Variants in ANAPC4 observed in about 807,000 individuals in gnomAD.
ANAPC4 encodes the protein anaphase promoting complex subunit 4.
Under a neutral mutation model 119.8 loss-of-function variants are expected in ANAPC4, and 63 were observed. That is an observed-to-expected ratio of 0.53 (90% CI 0.43 to 0.65). ANAPC4 has a LOEUF of 0.65. Among genes scored for constraint, ANAPC4 ranks in the 30% least tolerant of loss-of-function variants. The pLI, the probability that ANAPC4 is intolerant of heterozygous loss-of-function variation, is 0.00. For synonymous variants in ANAPC4, 283 were observed against 318.6 expected (o/e 0.89, Z 1.19); for missense variants, 716 against 945.1 (o/e 0.76, Z 3.18).
At chr4:25,413,800 G>A in intron 22 of ANAPC4, 58 bp downstream of exon 22, 2 of 1,259,138 alleles carry the variant, frequency 1.6e-6, no homozygotes, top group Middle Eastern at 1.9e-4. Flanking sequence ...ACAGTATGTG[G>A]CTCACTTATG....
chr4:25,377,469 G>A lies in ANAPC4; in HGVS notation c.42G>A (p.Val14=). The part of the protein sequence containing the change: ...FPTCFPSFRV[V]GEKQLPQEII... ...CCTGTTTCCCATCCTTCCGGGTGGT[G>A]GGAGAGAAGCAGCTCCCGCAGGAGA... The change falls in exon 2 of 29, where the codon GTG becomes GTA. Residue 14 remains valine (V), a synonymous_variant. Transcript: ENST00000315368. 2 of 1,614,156 alleles carry A rather than the reference G, an allele frequency of 1.2e-6. No individual in the cohort carries two copies. The highest frequency in any genetic ancestry group is 1.1e-5 in the South Asian group (1 of 91,076).
At position 25,417,751 on chromosome 4, in the gene ANAPC4, G is replaced by A. The variant is rs371676080; in HGVS notation, c.2199+12G>A. On this transcript the variant is annotated intron_variant, in intron 28 of 28. Coordinates refer to ENST00000315368, the MANE Select transcript of ANAPC4 (RefSeq NM_013367.3). ...AAGTGTCCTGTGTGGTAAGTGTTTA[G>A]AGATCGTTCAGCAACTAAGAAATTA... The A allele has an allele frequency of 6.3e-6, 10 of 1,596,050 alleles. No homozygotes were observed. The highest frequency in any genetic ancestry group is 2.7e-5 in the African/African-American group (2 of 73,908).
At chr4:25,378,132 G>A (rs1378531937) in intron 2 of ANAPC4, among the ~76,000 whole-genome samples, 1 of 152,230 alleles carries the variant, frequency 6.6e-6, no homozygotes, top group Non-Finnish European at 1.5e-5. Context: ...GGCATGCATT[G>A]GATTCCAGAC....
At chr4:25,391,875 T>C (rs1430609745) in intron 9 of ANAPC4, among the ~76,000 whole-genome samples, 3 of 152,240 alleles carry the variant, frequency 2.0e-5, no homozygotes, top group Admixed American at 2.0e-4. Flanking sequence ...TGTGAAACTA[T>C]GATCACCAGG....
chr4:25,415,355 C>G, intron 25 of ANAPC4, 111 bp from the exon 26 acceptor site: 1 of 746,310 alleles, frequency 1.3e-6, no homozygotes. Context: ...TCTCAGTGTT[C>G]TAAAGAAGTA....
At chr4:25,391,065 G>A (rs1722323567) in intron 9 of ANAPC4, 50 bp downstream of exon 9, 1 of 1,330,780 alleles carries the variant, frequency 7.5e-7, no homozygotes, top group Non-Finnish European at 1.1e-6. Flanking sequence ...TATTTAACAG[G>A]TTTTATATAG....
Position 25,407,294 on chromosome 4 carries a change from A to G in ANAPC4, c.1431+41A>G, listed in dbSNP as rs776284215. 14 of 1,467,638 alleles carry G rather than the reference A, an allele frequency of 9.5e-6. No individual in the cohort carries two copies. The Admixed American group carries it at 1.1e-4, about 12-fold the overall frequency. 90.9% of individuals were successfully genotyped at this position (1,467,638 alleles called of 1,614,324 possible). A position where few individuals can be genotyped will look rare whatever the true frequency, so the allele number is the denominator to read the frequency against. The stretch of plus-strand genomic sequence containing the variant: ...TCATTTTAAAACCTTAGCAGTGTTC[A>G]TCTTTGTTATCCAAAGTCTCTGGAA... On this transcript the variant is annotated intron_variant, in intron 20 of 28. Coordinates refer to ENST00000315368, the MANE Select transcript of ANAPC4 (RefSeq NM_013367.3).
chr4:25,399,395 T>G (rs542619388), intron 16 of ANAPC4, among the ~76,000 whole-genome samples: 1 of 152,352 alleles, frequency 6.6e-6, no homozygotes, highest in East Asian at 1.9e-4. Flanking sequence ...TCTTGGTCTT[T>G]TATAAAAGTT....
intron 10 of ANAPC4, among the ~76,000 whole-genome samples, chr4:25,392,831 T>C (rs1722426685): frequency 6.6e-6 from 1 of 152,242 alleles, no homozygotes; most frequent in Non-Finnish European, 1.5e-5. Context: ...TGATCTTGAC[T>C]AGACTTGGTC....
chr4:25,401,981 T>C (rs1577389861), intron 16 of ANAPC4, among the ~76,000 whole-genome samples: 1 of 152,226 alleles, frequency 6.6e-6, no homozygotes, highest in Non-Finnish European at 1.5e-5. Flanking sequence ...GTTTAACTTA[T>C]TGTTCTTTCA....
At chr4:25,395,167 T>C (rs1185309176) in intron 14 of ANAPC4, 1 of 316,872 alleles carries the variant, frequency 3.2e-6, no homozygotes, top group East Asian at 5.5e-5. Flanking sequence ...AAGCATGAAG[T>C]ATATTTTGAA....
intron 7 of ANAPC4, among the ~76,000 whole-genome samples, chr4:25,389,645 T>C (rs573770750): frequency 6.6e-6 from 1 of 152,216 alleles, no homozygotes; most frequent in African/African-American, 2.4e-5. Flanking sequence ...ATATCTATTA[T>C]TGTTTTTATT....
chr4:25,407,095 G>A, intron 19 of ANAPC4, 102 bp from the exon 20 acceptor site: 1 of 991,188 alleles, frequency 1.0e-6, no homozygotes, highest in Non-Finnish European at 1.5e-6. Context: ...AATAATAACT[G>A]CCACTCACAG....
intron 4 of ANAPC4, among the ~76,000 whole-genome samples, chr4:25,387,668 T>A (rs1722113291): frequency 7.4e-6 from 1 of 134,514 alleles, no homozygotes; most frequent in Non-Finnish European, 1.7e-5. Flanking sequence ...GAAAAAATAC[T>A]TGCTAAATCA....
intron 21 of ANAPC4, among the ~76,000 whole-genome samples, chr4:25,411,042 C>A (rs972843842): frequency 6.6e-6 from 1 of 152,098 alleles, no homozygotes; most frequent in Admixed American, 6.6e-5. Context: ...GGAGAGAATT[C>A]TTTGATGCCA....
chr4:25,403,429 G>A (rs1021721237), intron 17 of ANAPC4, among the ~76,000 whole-genome samples: 7 of 151,922 alleles, frequency 4.6e-5, no homozygotes, highest in African/African-American at 1.2e-4. Context: ...TATCCCTGTC[G>A]CTCACTGATA....
intron 10 of ANAPC4, among the ~76,000 whole-genome samples, chr4:25,392,743 A>C (rs1483216859): frequency 6.6e-6 from 1 of 152,178 alleles, no homozygotes; most frequent in Non-Finnish European, 1.5e-5. Context: ...CCCACCCCAA[A>C]TTACCTCCCA....
At chr4:25,393,937 A>C (rs1722497119) in intron 11 of ANAPC4, 46 bp downstream of exon 11, 2 of 1,429,836 alleles carry the variant, frequency 1.4e-6, no homozygotes, top group African/African-American at 2.9e-5. Flanking sequence ...AGAATGCATG[A>C]TGTATGTCTT....
chr4:25,380,097 T>C (rs780942815), intron 2 of ANAPC4, among the ~76,000 whole-genome samples: 23 of 152,214 alleles, frequency 1.5e-4, no homozygotes, highest in Non-Finnish European at 1.5e-4. Flanking sequence ...CTTTTATTTC[T>C]TTTTTGGTTG....
Sources: allele counts gnomAD v4.1 joint callset (sites outside exome capture counted in the v4.1 genomes callset), GRCh38; gene constraint gnomAD v4.1.1; transcripts MANE v1.5; gene names NCBI Gene and HGNC (gene_info 2026-07-23, HGNC 2026-07-21).